The following NCAM1 variants were observed in gnomAD, a reference collection of about 807,000 sequenced individuals.
NCAM1 encodes the protein neural cell adhesion molecule 1.
In NCAM1, 14 loss-of-function variants were observed where a neutral mutation model predicts 109.8. The observed-to-expected ratio is 0.13, with a 90% CI of 0.08 to 0.20. NCAM1 has a LOEUF of 0.20. Ranked by LOEUF, NCAM1 falls within the 10% of genes least tolerant of loss-of-function variation. NCAM1 has a pLI of 1.00. For missense variants in NCAM1, 774 were observed against 1,109.9 expected, an observed-to-expected ratio of 0.70 and a Z score of 4.30; for synonymous variants, 418 against 442.9, an observed-to-expected ratio of 0.94 and a Z score of 0.70.
intron 1 of NCAM1, among the ~76,000 whole-genome samples, chr11:113,155,881 C>A (rs1450528641): frequency 1.3e-5 from 2 of 152,088 alleles, no homozygotes; most frequent in Non-Finnish European, 2.9e-5. Context: ...CTCCTCTCAG[C>A]CCTCAACTTG....
rs1555073910 is a variant in NCAM1, at chr11:113,009,312, G to GTTTTTTTGTTGTTTT, written c.52+47655_52+47656insGTTGTTTTTTTTTTT. Among the ~76,000 whole-genome samples the GTTTTTTTGTTGTTTT allele has an allele frequency of 9.5e-3, 760 of 79,614 alleles. 46 individuals carry two copies. Among genetic ancestry groups the GTTTTTTTGTTGTTTT allele is most frequent in the East Asian group, 0.058 (111 of 1,900 alleles). 52.2% of individuals were successfully genotyped at this position (79,614 alleles called of 152,430 possible). A position where few individuals can be genotyped will look rare whatever the true frequency, so the allele number is the denominator to read the frequency against. ...GATTTAATTGGAAGGGTTTTTTCGG[G>GTTTTTTTGTTGTTTT]TTTTTTTTTTTTTTTTTTTTTTTTT... On this transcript the variant is annotated intron_variant, in intron 1 of 19. Transcript: ENST00000316851.
At position 113,233,130 on chromosome 11, in the gene NCAM1, A is replaced by T; in HGVS notation, c.1523-17A>T. On this transcript the variant is annotated splice_polypyrimidine_tract_variant and intron_variant, in intron 12 of 19. Transcript: ENST00000316851. This position sits in a 1 kb window ranked among gnomAD's most constrained non-coding sequence, Gnocchi z 4.5. ...AAACTGGGCTCACCTGAGTCTCCATATGTGTCTTCCCCACAGACACCCCCT... is the reference window on the plus strand; with the variant it reads ...AAACTGGGCTCACCTGAGTCTCCATTTGTGTCTTCCCCACAGACACCCCCT... 6.2e-7 allele frequency: 1 copy of T among 1,609,174 alleles called. No homozygotes were observed. Among genetic ancestry groups the T allele is most frequent in the Non-Finnish European group, 8.5e-7 (1 of 1,178,298 alleles).
chr11:113,113,198 G>A (rs1018465591), intron 1 of NCAM1, among the ~76,000 whole-genome samples: 4 of 152,130 alleles, frequency 2.6e-5, no homozygotes, highest in African/African-American at 9.7e-5. Context: ...TATCTTTTCT[G>A]TATCTAAAAT....
intron 1 of NCAM1, among the ~76,000 whole-genome samples, chr11:113,144,259 C>G (rs886562264): frequency 6.6e-6 from 1 of 152,132 alleles, no homozygotes; most frequent in Non-Finnish European, 1.5e-5. Context: ...CTGATTTCCT[C>G]GTGTGATTAT....
At chr11:113,095,145 A>T (rs1387681848) in intron 1 of NCAM1, among the ~76,000 whole-genome samples, 3 of 152,182 alleles carry the variant, frequency 2.0e-5, no homozygotes, top group African/African-American at 7.2e-5. Flanking sequence ...TAATTTTGTA[A>T]AGAGAATATG....
At chr11:113,142,169 T>G (rs918789776) in intron 1 of NCAM1, among the ~76,000 whole-genome samples, 6 of 152,126 alleles carry the variant, frequency 3.9e-5, no homozygotes, top group African/African-American at 1.4e-4. Context: ...GTTATTTCAT[T>G]TGTTTCTCAT....
chr11:113,161,633 G>A (rs1591376797), intron 1 of NCAM1, among the ~76,000 whole-genome samples: 1 of 152,188 alleles, frequency 6.6e-6, no homozygotes, highest in East Asian at 1.9e-4. Context: ...CCCCCTGCCT[G>A]TTGAGTATGG....
At chr11:113,176,250 A>C (rs565329697) in intron 1 of NCAM1, among the ~76,000 whole-genome samples, 1 of 152,322 alleles carries the variant, frequency 6.6e-6, no homozygotes, top group East Asian at 1.9e-4. Context: ...CTAGGGATGC[A>C]CAGAACAAGG....
At chr11:112,967,413 G>A (rs1169121215) in intron 1 of NCAM1, among the ~76,000 whole-genome samples, 1 of 152,174 alleles carries the variant, frequency 6.6e-6, no homozygotes, top group Non-Finnish European at 1.5e-5. Context: ...GGGAACCTTG[G>A]GAGTAGTAGA....
At chr11:113,220,504 A>G (rs1944653714) in intron 8 of NCAM1, among the ~76,000 whole-genome samples, 1 of 151,724 alleles carries the variant, frequency 6.6e-6, no homozygotes, top group African/African-American at 2.4e-5. Context: ...GCATGCAAAG[A>G]GTTGTAAAAT....
At position 113,277,849 on chromosome 11, in the gene NCAM1, T is replaced by TAAAAAAAAAAAA. The variant is rs56324717; in HGVS notation, c.*2478_*2489dup. 9 of 63,264 alleles carry TAAAAAAAAAAAA rather than the reference T, an allele frequency of 1.4e-4. No homozygotes were observed. The highest frequency in any genetic ancestry group is 1.7e-4 in the Non-Finnish European group (6 of 35,994). The allele number at this position is 63,264 out of a possible 1,614,324, so 3.9% of individuals were successfully genotyped here. On this transcript the variant is annotated 3_prime_UTR_variant, in exon 20 of 20. Transcript: ENST00000316851. Reference sequence around the variant, plus strand: ...TCTCAGCATGCAAGAGTTTTTCCTTTAAAAAAAAAAAAAAAAAAAAAAAAA... The same window carrying TAAAAAAAAAAAA: ...TCTCAGCATGCAAGAGTTTTTCCTTTAAAAAAAAAAAAAAAAAAAAAAAAAAAAAAAAAAAAA...
intron 1 of NCAM1, among the ~76,000 whole-genome samples, chr11:113,157,164 C>CACAG (rs1942440723): frequency 1.3e-5 from 2 of 151,840 alleles, no homozygotes; most frequent in African/African-American, 4.8e-5. Flanking sequence ...CACACACACA[C>CACAG]AGAGTAAGAA....
intron 1 of NCAM1, among the ~76,000 whole-genome samples, chr11:113,163,058 G>C (rs961749111): frequency 1.3e-5 from 2 of 152,154 alleles, no homozygotes; most frequent in Non-Finnish European, 2.9e-5. Flanking sequence ...CGTGCAGCCA[G>C]GGTGAAGAAC....
chr11:113,269,792 G>C (rs763046021), intron 17 of NCAM1: 21 of 239,894 alleles, frequency 8.8e-5, no homozygotes, highest in Non-Finnish European at 1.7e-4. Flanking sequence ...CCACAGCCCC[G>C]CCTGAAATCA....
intron 1 of NCAM1, among the ~76,000 whole-genome samples, chr11:113,147,280 G>A (rs1565463140): frequency 1.3e-5 from 2 of 152,170 alleles, no homozygotes; most frequent in East Asian, 3.9e-4. Context: ...TAAACTGCGC[G>A]ATAGATTTTT....
chr11:113,143,767 G>A (rs1240709395), intron 1 of NCAM1, among the ~76,000 whole-genome samples: 1 of 152,200 alleles, frequency 6.6e-6, no homozygotes, highest in Non-Finnish European at 1.5e-5. Context: ...TAAAAACTGT[G>A]CTGAAGAAGA....
intron 1 of NCAM1, among the ~76,000 whole-genome samples, chr11:112,980,875 C>T (rs1324721198): frequency 2.0e-5 from 3 of 151,702 alleles, no homozygotes; most frequent in Non-Finnish European, 2.9e-5. Flanking sequence ...GGATATTCCT[C>T]AAAGAACTAT....
intron 1 of NCAM1, among the ~76,000 whole-genome samples, chr11:113,065,549 G>A (rs1555084078): frequency 6.6e-6 from 1 of 152,144 alleles, no homozygotes; most frequent in Non-Finnish European, 1.5e-5. Flanking sequence ...AATGAAAATG[G>A]CACTTTACAT....
chr11:113,186,206 G>A (rs1445699088), intron 1 of NCAM1, among the ~76,000 whole-genome samples: 2 of 152,238 alleles, frequency 1.3e-5, no homozygotes, highest in South Asian at 4.1e-4. Context: ...TGCACGGCAG[G>A]AGGTGAGCAG....
Sources: gnomAD v4.1 joint callset for allele counts (sites outside exome capture counted in the v4.1 genomes callset) on GRCh38, gnomAD v4.1.1 for gene constraint, Gnocchi (gnomAD v3.1) non-coding constraint, MANE v1.5 for transcripts, NCBI Gene and HGNC (gene_info 2026-07-23, HGNC 2026-07-21) for gene names.